ATP5MC2: variants seen among roughly 807,000 people sequenced by gnomAD.
The protein encoded by ATP5MC2 is ATP synthase F(0) complex subunit C2, mitochondrial.
Under a neutral mutation model 13.5 loss-of-function variants are expected in ATP5MC2, and 11 were observed. The observed-to-expected ratio is 0.81, with a 90% CI of 0.51 to 1.35. The LOEUF is 1.35. ATP5MC2 is among the 40% of genes most tolerant of loss of function. The probability of loss-of-function intolerance (pLI) is 0.00; values close to 1 mark genes in which losing one functional copy is unlikely to be tolerated. For synonymous variants in ATP5MC2, 64 were observed against 69.7 expected (o/e 0.92, Z 0.41); for missense variants, 132 against 175.0 (o/e 0.75, Z 1.39).
intron 1 of ATP5MC2, among the ~76,000 whole-genome samples, chr12:53,674,741 C>A (rs1361103535): frequency 6.6e-6 from 1 of 152,194 alleles, no homozygotes; most frequent in South Asian, 2.1e-4. Flanking sequence ...AGCCACCACA[C>A]CCAGCCTTAA....
rs58565014 is a variant in ATP5MC2, at chr12:53,666,943, CAAAAA to C, written c.312-1520_312-1516del. Among the ~76,000 whole-genome samples, 191 of 103,402 alleles carry C rather than the reference CAAAAA, an allele frequency of 1.8e-3. 2 individuals are homozygous for C. The East Asian group carries it at 0.035, about 19-fold the overall frequency. The allele number at this position is 103,402 out of a possible 152,430, so 67.8% of individuals were successfully genotyped here. On this transcript the variant is annotated intron_variant, in intron 4 of 4. Transcript: ENST00000394349. ...TCTGGGAGACAGCGAGACTCAGTCT[CAAAAA>C]AAAAAAAAAAAAAGAAGTTACAAAT...
chr12:53,675,982 G>A (rs918421362), intron 1 of ATP5MC2, 71 bp downstream of exon 1: 1 of 1,576,926 alleles, frequency 6.3e-7, no homozygotes, highest in South Asian at 1.2e-5. Flanking sequence ...GCGCCTCAAA[G>A]CATCCGCGCA....
intron 4 of ATP5MC2, among the ~76,000 whole-genome samples, 185 bp downstream of exon 4, chr12:53,668,963 A>T (rs530604619): frequency 1.3e-5 from 2 of 152,276 alleles, no homozygotes; most frequent in African/African-American, 4.8e-5. Flanking sequence ...GGTGACAGTG[A>T]GCTGAGATTG....
chr12:53,669,109 G>T (rs1945016890), intron 4 of ATP5MC2, 39 bp downstream of exon 4: 2 of 1,566,426 alleles, frequency 1.3e-6, no homozygotes, highest in African/African-American at 2.7e-5. Flanking sequence ...CCTTTGGAAA[G>T]CATATCAGAT....
At chr12:53,666,482 CAGG>C (rs1264826614) in intron 4 of ATP5MC2, among the ~76,000 whole-genome samples, 3 of 151,706 alleles carry the variant, frequency 2.0e-5, no homozygotes, top group African/African-American at 7.3e-5. Flanking sequence ...GAGGCTGAGG[CAGG>C]AGAACGGCGT....
At chr12:53,677,842 C>T (rs538864314), upstream of ATP5MC2, among the ~76,000 whole-genome samples, 2 of 152,326 alleles carry the variant, frequency 1.3e-5, no homozygotes, top group East Asian at 3.9e-4. Context: ...AGCAAAGACA[C>T]AAGTTTATCC....
chr12:53,677,548 C>A (rs1945308121), upstream of ATP5MC2: 1 of 152,224 alleles, frequency 6.6e-6, no homozygotes, highest in Non-Finnish European at 1.5e-5. Flanking sequence ...TGGCCCTGAG[C>A]TCCTGAAAGG....
rs371141457 is a variant in ATP5MC2, at chr12:53,669,323, C to T, written c.136G>A (p.Val46Ile). ...ACAAGTGAGGTAAGGGGACATGAGA[C>T]TGCCAAGCTGCTGAGGCTCTGTGAA... ...LTDESLSSLA[V>I]SCPLTSLVSS... is the part of the protein sequence containing the mutation. Residue 46 changes from valine (V) to isoleucine (I), a missense_variant, in exon 4 of 5, where the codon GTC becomes ATC. Physicochemically the swap from Val to Ile is conservative, Grantham distance 29. Transcript: ENST00000394349. The T allele has an allele frequency of 6.2e-7, 1 of 1,613,446 alleles. No homozygotes were observed. Among genetic ancestry groups the T allele is most frequent in the Non-Finnish European group, 8.5e-7 (1 of 1,179,684 alleles).
chr12:53,680,801 T>C (rs182055707), upstream of ATP5MC2, among the ~76,000 whole-genome samples: 1 of 152,358 alleles, frequency 6.6e-6, no homozygotes, highest in Admixed American at 6.5e-5. Context: ...CTGTTCTTGG[T>C]GTTGAGGACA....
upstream of ATP5MC2, chr12:53,676,317 G>T: frequency 7.0e-7 from 1 of 1,432,418 alleles, no homozygotes. Flanking sequence ...AAGCCGATCC[G>T]TAACGTGGAC....
intron 3 of ATP5MC2, 135 bp downstream of exon 3, chr12:53,669,735 TA>T: frequency 1.1e-6 from 1 of 938,316 alleles, no homozygotes. Flanking sequence ...CATCTCCACC[TA>T]AAGCCCATGG....
At chr12:53,670,013 G>A in intron 2 of ATP5MC2, 65 bp from the exon 3 acceptor site, 2 of 1,458,316 alleles carry the variant, frequency 1.4e-6, no homozygotes. Context: ...TCAGAACTAT[G>A]CCACGTTGTT....
upstream of ATP5MC2, chr12:53,677,444 G>T (rs1486713569): frequency 6.6e-6 from 1 of 152,248 alleles, no homozygotes; most frequent in Non-Finnish European, 1.5e-5. Context: ...TCCTCGCGGA[G>T]GAATTTCAAT....
upstream of ATP5MC2, among the ~76,000 whole-genome samples, chr12:53,680,818 T>G (rs1005092257): frequency 1.3e-5 from 2 of 152,206 alleles, no homozygotes; most frequent in Non-Finnish European, 2.9e-5. Flanking sequence ...GACACAGGCG[T>G]GAACAAAGCA....
At chr12:53,677,371 G>A (rs1945304134), upstream of ATP5MC2, 1 of 152,266 alleles carries the variant, frequency 6.6e-6, no homozygotes, top group Admixed American at 6.5e-5. Flanking sequence ...CAATTTCCCG[G>A]GACCCCGAGC....
At chr12:53,672,431 AG>A (rs1945128888) in intron 2 of ATP5MC2, 144 bp downstream of exon 2, 3 of 846,502 alleles carry the variant, frequency 3.5e-6, no homozygotes, top group Non-Finnish European at 5.7e-6. Context: ...CATGTTGGCC[AG>A]GCTGGTTTTG....
chr12:53,666,594 G>GA (rs987740442), intron 4 of ATP5MC2, among the ~76,000 whole-genome samples: 2 of 146,292 alleles, frequency 1.4e-5, no homozygotes, highest in South Asian at 2.2e-4. Flanking sequence ...AAAAAAGAAA[G>GA]AAAAAAAATA....
At chr12:53,670,513 C>CT (rs1288971930) in intron 2 of ATP5MC2, among the ~76,000 whole-genome samples, 5 of 152,208 alleles carry the variant, frequency 3.3e-5, no homozygotes, top group Admixed American at 3.3e-4. Flanking sequence ...GGGCAGGTGA[C>CT]TGGGAGCTGT....
intron 4 of ATP5MC2, among the ~76,000 whole-genome samples, chr12:53,667,735 T>A (rs1944959854): frequency 6.6e-6 from 1 of 151,458 alleles, no homozygotes; most frequent in Non-Finnish European, 1.5e-5. Flanking sequence ...GACCTCGTGA[T>A]CCGCCCGCCT....
Sources: gnomAD v4.1 joint callset for allele counts (sites outside exome capture counted in the v4.1 genomes callset) on GRCh38, gnomAD v4.1.1 for gene constraint, MANE v1.5 for transcripts, NCBI Gene and HGNC (gene_info 2026-07-23, HGNC 2026-07-21) for gene names.